TRIP12: variants seen among roughly 807,000 people sequenced by gnomAD.
The protein encoded by TRIP12 is E3 ubiquitin-protein ligase TRIP12.
In TRIP12, 25 loss-of-function variants were observed where a neutral mutation model predicts 244.2. The observed-to-expected ratio is 0.10, with a 90% confidence interval of 0.07 to 0.14. TRIP12 has a LOEUF of 0.14. TRIP12 is among the 10% of genes least tolerant of loss of function. TRIP12 has a pLI of 1.00. For synonymous variants in TRIP12, 905 were observed against 873.1 expected (o/e 1.04, Z -0.64); for missense variants, 1,677 against 2,486.4 (o/e 0.67, Z 6.92).
intron 3 of TRIP12, 116 bp downstream of exon 3, chr2:229,860,290 G>C: frequency 7.6e-7 from 1 of 1,310,902 alleles, no homozygotes; most frequent in Non-Finnish European, 1.0e-6. Flanking sequence ...GTTACTTAGA[G>C]AATAATGAAA....
At chr2:229,803,501 G>A (rs372603576) in intron 20 of TRIP12, 70 bp downstream of exon 20, 119 of 1,019,400 alleles carry the variant, frequency 1.2e-4, no homozygotes, top group South Asian at 8.5e-4. Context: ...GTTTTTGCTC[G>A]ACAGATTAAA....
chr2:229,864,126 A>C (rs2061079176), intron 2 of TRIP12, among the ~76,000 whole-genome samples: 1 of 151,754 alleles, frequency 6.6e-6, no homozygotes, highest in African/African-American at 2.4e-5. Flanking sequence ...ATAACAACAT[A>C]TGGGTATTCC....
At chr2:229,888,471 A>G (rs1273477536) in intron 1 of TRIP12, among the ~76,000 whole-genome samples, 1 of 152,232 alleles carries the variant, frequency 6.6e-6, no homozygotes, top group African/African-American at 2.4e-5. Context: ...GAATCCAGTC[A>G]AGGAAAATCA....
chr2:229,894,311 A>G (rs1050464709), intron 1 of TRIP12: 7 of 152,338 alleles, frequency 4.6e-5, no homozygotes, highest in Middle Eastern at 3.4e-3. Flanking sequence ...CAAGAATCTA[A>G]TATCATTTCA....
chr2:229,853,445 A>T (rs974438599), intron 4 of TRIP12, among the ~76,000 whole-genome samples: 3 of 152,166 alleles, frequency 2.0e-5, no homozygotes, highest in Non-Finnish European at 4.4e-5. Context: ...AGATCACCTG[A>T]GGTCAGGAGT....
chr2:229,836,851 C>T lies in TRIP12; in HGVS notation c.1267G>A (p.Ala423Thr). The change falls in exon 6 of 42, where the codon GCA (alanine) becomes ACA (threonine). Residue 423 changes from alanine (A) to threonine (T), a missense_variant. By Grantham distance (58) the Ala-to-Thr change is moderately conservative. Transcript: ENST00000675903. ...AAGCTAAGAAGTACCAATCTACCTG[C>T]AGCTCCTTGGGGAGCTTCATCTGTC... ...ARTDEAPQGA[A>T]ASSSVAGAVG... 1 of 1,589,330 alleles carries T rather than the reference C, an allele frequency of 6.3e-7. No individual in the cohort carries two copies. Among genetic ancestry groups the T allele is most frequent in the Non-Finnish European group, 8.5e-7 (1 of 1,172,482 alleles).
chr2:229,916,463 G>A (rs1176159832), intron 1 of TRIP12, among the ~76,000 whole-genome samples: 2 of 152,188 alleles, frequency 1.3e-5, no homozygotes, highest in African/African-American at 4.8e-5. Flanking sequence ...GCTGAGGCAG[G>A]AGAATCACTT....
At chr2:229,782,216 C>T (rs1388279961) in intron 34 of TRIP12, among the ~76,000 whole-genome samples, 1 of 152,052 alleles carries the variant, frequency 6.6e-6, no homozygotes, top group Admixed American at 6.6e-5. Context: ...CAGCCATGAT[C>T]AAGCTAGATT....
In TRIP12 at chr2:229,766,610, A is replaced by AT. The variant is rs1220943075; in HGVS notation, c.*943dup. 1 of 152,148 alleles carries AT rather than the reference A, an allele frequency of 6.6e-6. No individual in the cohort carries two copies. The highest frequency in any genetic ancestry group is 1.9e-4 in the East Asian group (1 of 5,192). The allele number at this position is 152,148 out of a possible 1,614,324, so 9.4% of individuals were successfully genotyped here. On this transcript the variant is annotated 3_prime_UTR_variant, in exon 42 of 42. Transcript: ENST00000675903. ...AACGTAAAACAACAAAGGGAAAAAA[A>AT]TTTTTTTACTCCAACAGGGAAGGAA...
At chr2:229,779,636 T>C (rs943903450) in intron 34 of TRIP12, among the ~76,000 whole-genome samples, 1 of 152,150 alleles carries the variant, frequency 6.6e-6, no homozygotes, top group Non-Finnish European at 1.5e-5. Flanking sequence ...ACTAACGGCC[T>C]CATACAGGAC....
chr2:229,922,530 C>T (rs1166514747), upstream of TRIP12: 1 of 1,613,902 alleles, frequency 6.2e-7, no homozygotes, highest in East Asian at 2.2e-5. Context: ...TCGTGGCTGC[C>T]GGAGACTCTC....
chr2:229,860,778 C>T (rs1427810809), intron 2 of TRIP12, among the ~76,000 whole-genome samples: 1 of 152,046 alleles, frequency 6.6e-6, no homozygotes, highest in Non-Finnish European at 1.5e-5. Flanking sequence ...GTCATAATTG[C>T]ACAGCGTTGT....
rs564712100 is a variant in TRIP12 at position 229,822,126 on chromosome 2, G to C, written c.1451-3614C>G. On this transcript the variant is annotated intron_variant, in intron 8 of 41. Coordinates refer to ENST00000675903, the MANE Select transcript of TRIP12 (RefSeq NM_001348323.3). ...CTGCACTCCAGCATGAGCGACAAGA[G>C]CGAGACTCCGTCTCAAAACAAACAA... 3.0e-4 allele frequency among the ~76,000 whole-genome samples: 45 copies of C among 152,276 alleles called. 1 individual carries two copies. Among genetic ancestry groups the C allele is most frequent in the African/African-American group, 9.9e-4 (41 of 41,552 alleles).
chr2:229,818,558 T>A, intron 8 of TRIP12, 46 bp from the exon 9 acceptor site: 1 of 1,541,762 alleles, frequency 6.5e-7, no homozygotes, highest in Non-Finnish European at 8.8e-7. Flanking sequence ...TTAAGAAAAT[T>A]ATTACTAGGT....
intron 20 of TRIP12, among the ~76,000 whole-genome samples, chr2:229,802,931 C>G (rs2044778906): frequency 1.3e-5 from 2 of 151,958 alleles, no homozygotes; most frequent in Admixed American, 1.3e-4. Flanking sequence ...ACTATCACAT[C>G]CTTTAAGGTG....
intron 2 of TRIP12, among the ~76,000 whole-genome samples, chr2:229,865,391 A>C (rs914358878): frequency 6.6e-6 from 1 of 151,138 alleles, no homozygotes; most frequent in African/African-American, 2.4e-5. Flanking sequence ...AAAATGAGGA[A>C]AGTGGCTAGT....
chr2:229,905,901 AC>A (rs2072610462), intron 1 of TRIP12, among the ~76,000 whole-genome samples: 1 of 152,212 alleles, frequency 6.6e-6, no homozygotes, highest in African/African-American at 2.4e-5. Context: ...AGTATAATAA[AC>A]CAATGTTCAC....
At chr2:229,821,648 T>C (rs1395609134) in intron 8 of TRIP12, among the ~76,000 whole-genome samples, 1 of 152,124 alleles carries the variant, frequency 6.6e-6, no homozygotes, top group Non-Finnish European at 1.5e-5. Context: ...TTCAGCCACG[T>C]AAAATATAAA....
chr2:229,890,670 T>C (rs987712997), intron 1 of TRIP12, among the ~76,000 whole-genome samples: 6 of 152,182 alleles, frequency 3.9e-5, no homozygotes, highest in Non-Finnish European at 7.4e-5. Context: ...TGGTGAATAA[T>C]AGTGTCAAAT....
Sources: gnomAD v4.1 joint callset for allele counts (sites outside exome capture counted in the v4.1 genomes callset) on GRCh38, gnomAD v4.1.1 for gene constraint, MANE v1.5 for transcripts, NCBI Gene and HGNC (gene_info 2026-07-23, HGNC 2026-07-21) for gene names.